The following ZNF385D variants were observed in gnomAD, a reference collection of about 807,000 sequenced individuals.
ZNF385D encodes zinc finger protein 385D.
A neutral mutation model predicts 35.8 loss-of-function variants in ZNF385D; 15 were observed. That is an observed-to-expected ratio of 0.42 (90% CI 0.28 to 0.64). The LOEUF (loss-of-function observed/expected upper bound fraction) is 0.64, where lower values mean the gene tolerates loss of function less well. Among genes scored for constraint, ZNF385D ranks in the 30% least tolerant of loss-of-function variants. The probability of loss-of-function intolerance (pLI) is 0.23; values close to 1 mark genes in which losing one functional copy is unlikely to be tolerated. For synonymous variants in ZNF385D, 212 were observed against 186.8 expected (o/e 1.13, Z -1.10); for missense variants, 474 against 494.6 (o/e 0.96, Z 0.39).
intron 1 of ZNF385D, among the ~76,000 whole-genome samples, chr3:21,742,928 G>C (rs1254887443): frequency 1.3e-5 from 2 of 152,130 alleles, no homozygotes; most frequent in African/African-American, 4.8e-5. Context: ...ATATGAGTTG[G>C]AGAAAAAGAA....
intron 1 of ZNF385D, among the ~76,000 whole-genome samples, chr3:21,727,400 G>A (rs2068812891): frequency 6.6e-6 from 1 of 152,034 alleles, no homozygotes; most frequent in African/African-American, 2.4e-5. Flanking sequence ...TACAGAATGG[G>A]AGAAAATTTT....
chr3:21,972,170 T>A (rs186209180), intron 3 of ZNF385D, among the ~76,000 whole-genome samples: 1 of 152,160 alleles, frequency 6.6e-6, no homozygotes, highest in East Asian at 1.9e-4. Context: ...TCTCAGCATA[T>A]GAATCATTCT....
At chr3:21,485,433 A>G (rs936850169) in intron 4 of ZNF385D, among the ~76,000 whole-genome samples, 1 of 152,140 alleles carries the variant, frequency 6.6e-6, no homozygotes, top group African/African-American at 2.4e-5. Flanking sequence ...GGTGGTGGCA[A>G]ATGCCCATTA....
chr3:21,491,673 C>T (rs1365158164), intron 4 of ZNF385D, among the ~76,000 whole-genome samples: 1 of 152,112 alleles, frequency 6.6e-6, no homozygotes, highest in Non-Finnish European at 1.5e-5. Context: ...GATTGGAATA[C>T]AGCCATGCTC....
At chr3:21,737,011 C>T (rs921235133) in intron 1 of ZNF385D, among the ~76,000 whole-genome samples, 5 of 152,296 alleles carry the variant, frequency 3.3e-5, no homozygotes, top group South Asian at 4.1e-4. Context: ...ACAATCTCGG[C>T]TCACTGCAAC....
At chr3:22,358,870 T>C (rs1185572934) in intron 2 of ZNF385D, among the ~76,000 whole-genome samples, 2 of 151,480 alleles carry the variant, frequency 1.3e-5, no homozygotes, top group Non-Finnish European at 3.0e-5. Context: ...AAATGTTAAA[T>C]GAAAAAGACA....
chr3:22,218,359 C>T (rs6779779), intron 2 of ZNF385D, among the ~76,000 whole-genome samples: 53,555 of 151,544 alleles, frequency 0.35, 9,802 homozygotes, highest in African/African-American at 0.43. Context: ...TGCTGGTAAA[C>T]AGAAATACAA....
At chr3:21,949,546 C>CTTTTTTTTTTTT (rs1553705221) in intron 3 of ZNF385D, among the ~76,000 whole-genome samples, 3 of 31,158 alleles carry the variant, frequency 9.6e-5, no homozygotes, top group African/African-American at 1.4e-4. Context: ...TCCTTCTTTT[C>CTTTTTTTTTTTT]TTTCTTTCTT....
chr3:21,940,694 A>C (rs151129461), intron 3 of ZNF385D, among the ~76,000 whole-genome samples: 1 of 152,200 alleles, frequency 6.6e-6, no homozygotes, highest in Non-Finnish European at 1.5e-5. Flanking sequence ...GAAAAAATAA[A>C]AAGTATAAGT....
chr3:21,818,802 A>G (rs557777402), intron 3 of ZNF385D, among the ~76,000 whole-genome samples: 1 of 152,014 alleles, frequency 6.6e-6, no homozygotes, highest in East Asian at 1.9e-4. Context: ...TATATTTTAA[A>G]TTTTCCTATA....
At chr3:21,886,875 C>T (rs1428973272) in intron 3 of ZNF385D, among the ~76,000 whole-genome samples, 1 of 152,260 alleles carries the variant, frequency 6.6e-6, no homozygotes, top group South Asian at 2.1e-4. Flanking sequence ...ATTGGATCAG[C>T]AGTGCCCCCG....
chr3:22,185,311 C>T (rs775759750), intron 2 of ZNF385D, among the ~76,000 whole-genome samples: 2 of 152,116 alleles, frequency 1.3e-5, no homozygotes, highest in African/African-American at 4.8e-5. Context: ...GTGTCATACT[C>T]GTTTGTAATT....
rs932027162 is a variant in ZNF385D at position 21,420,330 on chromosome 3, G to C, written c.*884C>G. On this transcript the variant is annotated 3_prime_UTR_variant, in exon 8 of 8. Coordinates refer to ENST00000281523, the MANE Select transcript of ZNF385D (RefSeq NM_024697.3). ...TCTTCATCCTTGAAATAGAAGAGTT[G>C]TATTGATTTCTTTCTTAACACTCAT... 1 of 152,126 alleles carries C rather than the reference G, an allele frequency of 6.6e-6. No individual in the cohort carries two copies. Among genetic ancestry groups the C allele is most frequent in the Admixed American group, 6.6e-5 (1 of 15,262 alleles). 9.4% of individuals were successfully genotyped at this position (152,126 alleles called of 1,614,324 possible).
intron 3 of ZNF385D, among the ~76,000 whole-genome samples, chr3:21,527,083 G>A (rs1250166968): frequency 6.6e-6 from 1 of 152,010 alleles, no homozygotes; most frequent in South Asian, 2.1e-4. Flanking sequence ...ATAAGGAAAA[G>A]GTGTAATATA....
intron 2 of ZNF385D, among the ~76,000 whole-genome samples, chr3:22,190,031 AAC>A (rs1379515579): frequency 1.3e-5 from 2 of 152,172 alleles, no homozygotes; most frequent in East Asian, 1.9e-4. Context: ...TGGAAAAATG[AAC>A]ACTTACCAAT....
intron 3 of ZNF385D, among the ~76,000 whole-genome samples, chr3:21,842,598 T>G (rs1191113433): frequency 6.6e-6 from 1 of 152,044 alleles, no homozygotes; most frequent in East Asian, 1.9e-4. Context: ...GATGGTTGTT[T>G]ACATACTGGT....
At chr3:22,046,787 G>T (rs775027712) in intron 3 of ZNF385D, among the ~76,000 whole-genome samples, 1 of 151,984 alleles carries the variant, frequency 6.6e-6, no homozygotes, top group Admixed American at 6.6e-5. Context: ...GTCAACAAAA[G>T]GCACTTTTCT....
chr3:22,321,112 ATTT>A (rs959089918), intron 2 of ZNF385D, among the ~76,000 whole-genome samples: 2 of 139,134 alleles, frequency 1.4e-5, no homozygotes, highest in Non-Finnish European at 3.1e-5. Flanking sequence ...TCCTGTTCAA[ATTT>A]TTTAATTCTA....
intron 2 of ZNF385D, among the ~76,000 whole-genome samples, chr3:21,576,896 A>G (rs2063512119): frequency 6.6e-6 from 1 of 152,196 alleles, no homozygotes. Flanking sequence ...CATAATATGC[A>G]TATTTATGGG....
Sources: gnomAD v4.1 joint callset for allele counts (sites outside exome capture counted in the v4.1 genomes callset) on GRCh38, gnomAD v4.1.1 for gene constraint, MANE v1.5 for transcripts, NCBI Gene and HGNC (gene_info 2026-07-23, HGNC 2026-07-21) for gene names.